Variants in DNAJB4 observed in about 807,000 individuals in gnomAD.
DNAJB4 encodes dnaJ homolog subfamily B member 4.
Under a neutral mutation model 26.6 loss-of-function variants are expected in DNAJB4, and 10 were observed. That is an observed-to-expected ratio of 0.38 (90% CI 0.23 to 0.64). The LOEUF is 0.64. Ranked by LOEUF, DNAJB4 falls within the 30% of genes least tolerant of loss-of-function variation. The pLI is 0.58. For missense variants in DNAJB4, 328 were observed against 408.2 expected (o/e 0.80, Z 1.69); for synonymous variants, 136 against 134.8 (o/e 1.01, Z -0.06).
intron 2 of DNAJB4, among the ~76,000 whole-genome samples, chr1:78,015,319 A>G (rs1660604823): frequency 6.6e-6 from 1 of 152,086 alleles, no homozygotes; most frequent in Non-Finnish European, 1.5e-5. Context: ...TCTAGTCCTG[A>G]ATTTCTCCCT....
At chr1:78,015,553 T>C (rs868006797) in intron 2 of DNAJB4, among the ~76,000 whole-genome samples, 74 of 126,470 alleles carry the variant, frequency 5.9e-4, no homozygotes, top group East Asian at 1.8e-3. Context: ...CTTTCTTCTT[T>C]TTTTTTTTTT....
intron 1 of DNAJB4, among the ~76,000 whole-genome samples, chr1:77,983,255 C>G (rs1306806907): frequency 6.6e-6 from 1 of 152,242 alleles, no homozygotes; most frequent in African/African-American, 2.4e-5. Context: ...ACCTCCAGCC[C>G]TAAGGCGGTT....
At chr1:77,996,211 G>A (rs896545601) in intron 1 of DNAJB4, among the ~76,000 whole-genome samples, 2 of 152,042 alleles carry the variant, frequency 1.3e-5, no homozygotes, top group Admixed American at 1.3e-4. Flanking sequence ...TGAATACAGT[G>A]GCATGATCAC....
intron 1 of DNAJB4, among the ~76,000 whole-genome samples, chr1:78,011,958 T>G (rs1294232439): frequency 6.7e-6 from 1 of 148,636 alleles, no homozygotes; most frequent in African/African-American, 2.4e-5. Context: ...TATTTTTAAA[T>G]GTTATATATA....
chr1:78,011,356 G>A (rs577382844), intron 1 of DNAJB4, among the ~76,000 whole-genome samples: 12 of 152,058 alleles, frequency 7.9e-5, no homozygotes, highest in Non-Finnish European at 1.6e-4. Flanking sequence ...ATGCTAAGAT[G>A]TGATATGCCT....
chr1:77,985,294 C>T (rs1406387739), intron 1 of DNAJB4, among the ~76,000 whole-genome samples: 1 of 152,098 alleles, frequency 6.6e-6, no homozygotes, highest in African/African-American at 2.4e-5. Context: ...TCTGTTCTGA[C>T]ATTTCCATGT....
At chr1:77,997,135 T>A (rs567249761) in intron 1 of DNAJB4, among the ~76,000 whole-genome samples, 18 of 152,206 alleles carry the variant, frequency 1.2e-4, no homozygotes, top group African/African-American at 4.1e-4. Context: ...GACCAAACTA[T>A]TGAATTAGTG....
intron 1 of DNAJB4, among the ~76,000 whole-genome samples, chr1:77,987,711 C>G (rs1257529901): frequency 6.6e-6 from 1 of 151,980 alleles, no homozygotes; most frequent in Admixed American, 6.6e-5. Flanking sequence ...CTGTTTGATT[C>G]ACCAGGAAAT....
intron 1 of DNAJB4, among the ~76,000 whole-genome samples, chr1:77,998,533 G>A (rs1660117250): frequency 6.6e-6 from 1 of 152,156 alleles, no homozygotes; most frequent in Non-Finnish European, 1.5e-5. Context: ...GATAAGGTAA[G>A]AAGTGAATCT....
At chr1:77,995,732 T>C (rs1429817068) in intron 1 of DNAJB4, among the ~76,000 whole-genome samples, 3 of 152,224 alleles carry the variant, frequency 2.0e-5, no homozygotes, top group Admixed American at 6.5e-5. Flanking sequence ...GGATTACAAG[T>C]GTGAGCTATC....
chr1:77,992,229 C>T (rs959464449), intron 1 of DNAJB4, among the ~76,000 whole-genome samples: 23 of 151,200 alleles, frequency 1.5e-4, no homozygotes, highest in African/African-American at 5.1e-4. Context: ...CCGGCTAAAA[C>T]GGTGAAACCC....
chr1:78,001,259 G>C (rs1321808987), upstream of DNAJB4, among the ~76,000 whole-genome samples: 1 of 151,762 alleles, frequency 6.6e-6, no homozygotes, highest in Non-Finnish European at 1.5e-5. Context: ...AGGATCACTT[G>C]AGCCTAGGAG....
rs148334107 is a variant in DNAJB4 at position 78,005,209 on chromosome 1, G to A, written c.99G>A (p.Pro33=). Residue 33 remains proline (P), a synonymous_variant, in exon 1 of 3, where the codon CCG becomes CCA. Coordinates refer to ENST00000370763, the MANE Select transcript of DNAJB4 (RefSeq NM_007034.5). ...GAAAACAAGCCCTCAAATTTCATCC[G>A]GACAAGAACAAATCTCCTCAGGCAG... ...AYRKQALKFH[P]DKNKSPQAEE... is the part of the protein sequence containing the mutation. 58 of 1,614,004 alleles carry A rather than the reference G, an allele frequency of 3.6e-5. No individual in the cohort carries two copies. In the African/African-American group the frequency reaches 6.3e-4, roughly 17 times the overall value.
chr1:78,001,256 C>T (rs1223464698), upstream of DNAJB4, among the ~76,000 whole-genome samples: 1 of 151,686 alleles, frequency 6.6e-6, no homozygotes, highest in African/African-American at 2.4e-5. Context: ...AGCAGGATCA[C>T]TTGAGCCTAG....
At chr1:77,998,524 ATAAGG>A (rs1457309656) in intron 1 of DNAJB4, among the ~76,000 whole-genome samples, 2 of 152,184 alleles carry the variant, frequency 1.3e-5, no homozygotes, top group African/African-American at 4.8e-5. Flanking sequence ...TGTAACGTAG[ATAAGG>A]TAAGAAGTGA....
intron 1 of DNAJB4, among the ~76,000 whole-genome samples, chr1:77,986,038 A>G (rs1659782715): frequency 6.6e-6 from 1 of 152,178 alleles, no homozygotes; most frequent in African/African-American, 2.4e-5. Context: ...GAGAAGCTGA[A>G]TGATCAGATA....
intron 1 of DNAJB4, chr1:77,992,924 A>G (rs969369117): frequency 1.3e-5 from 2 of 152,150 alleles, no homozygotes; most frequent in Non-Finnish European, 2.9e-5. Context: ...GGGTTTAACC[A>G]TGTTGGCCAG....
At chr1:77,979,608 A>G (rs1659438112), upstream of DNAJB4, 2 of 153,400 alleles carry the variant, frequency 1.3e-5, no homozygotes, top group South Asian at 3.9e-4. Context: ...GGAACCCAGC[A>G]TGATTTTCAG....
At position 78,005,337 on chromosome 1, in the gene DNAJB4, A is replaced by G. The variant is rs1408460179; in HGVS notation, c.211+16A>G. ...GGGGAGGAAGGTAAGTATTCTCTGTATATCTTTCTGTCTCTTCAGCTCTGT... is the reference window on the plus strand; with the variant it reads ...GGGGAGGAAGGTAAGTATTCTCTGTGTATCTTTCTGTCTCTTCAGCTCTGT... On this transcript the variant is annotated intron_variant, in intron 1 of 2. Coordinates refer to ENST00000370763, the MANE Select transcript of DNAJB4 (RefSeq NM_007034.5). The G allele has an allele frequency of 1.3e-6, 2 of 1,588,372 alleles. No homozygotes were observed. Among genetic ancestry groups the G allele is most frequent in the Non-Finnish European group, 1.7e-6 (2 of 1,168,460 alleles).
Sources: allele counts gnomAD v4.1 joint callset (sites outside exome capture counted in the v4.1 genomes callset), GRCh38; gene constraint gnomAD v4.1.1; transcripts MANE v1.5; gene names NCBI Gene and HGNC (gene_info 2026-07-23, HGNC 2026-07-21).